GEN1: variants seen among roughly 807,000 people sequenced by gnomAD.
GEN1 encodes the protein flap endonuclease GEN homolog 1.
Under a neutral mutation model 67.6 loss-of-function variants are expected in GEN1, and 64 were observed. That is an observed-to-expected ratio of 0.95 (90% CI 0.77 to 1.17). GEN1 has a LOEUF of 1.17. GEN1 is among the 50% of genes most tolerant of loss of function. The pLI, the probability that GEN1 is intolerant of heterozygous loss-of-function variation, is 0.00. For synonymous variants in GEN1, 371 were observed against 359.4 expected, an observed-to-expected ratio of 1.03 and a Z score of -0.37; for missense variants, 1,058 against 1,048.3, an observed-to-expected ratio of 1.01 and a Z score of -0.13.
intron 8 of GEN1, 103 bp from the exon 9 acceptor site, chr2:17,772,993 T>C: frequency 3.5e-6 from 3 of 861,386 alleles, no homozygotes; most frequent in Non-Finnish European, 5.6e-6. Context: ...TGGGATACTG[T>C]AAATTCACAT....
chr2:17,753,614 C>A (rs1384410462), upstream of GEN1: 1 of 152,282 alleles, frequency 6.6e-6, no homozygotes, highest in Non-Finnish European at 1.5e-5. Flanking sequence ...ACAGCGCGCG[C>A]CTTCACCCTA....
At chr2:17,768,610 A>G (rs1031771621) in intron 5 of GEN1, 128 bp from the exon 6 acceptor site, 2 of 653,632 alleles carry the variant, frequency 3.1e-6, no homozygotes, top group Non-Finnish European at 5.3e-6. Context: ...TATCTTGCAT[A>G]TCTTTTCCTA....
chr2:17,767,192 G>T (rs1252441135), intron 5 of GEN1, among the ~76,000 whole-genome samples: 1 of 152,184 alleles, frequency 6.6e-6, no homozygotes, highest in East Asian at 1.9e-4. Flanking sequence ...TGTATCTTAA[G>T]ATGCACAATC....
rs941279877 is a variant in GEN1 at position 17,784,133 on chromosome 2, G to A, written c.*2194G>A. 7.2e-5 allele frequency: 11 copies of A among 151,936 alleles called. No individual in the cohort carries two copies. The highest frequency in any genetic ancestry group is 3.3e-4 in the Admixed American group (5 of 15,248). 9.4% of individuals were successfully genotyped at this position (151,936 alleles called of 1,614,324 possible). ...TATCTTGGTGGTATATAAAGAACTC[G>A]TAACTCAATTATAAAAAGACAACTT... On this transcript the variant is annotated 3_prime_UTR_variant, in exon 14 of 14. Transcript: ENST00000381254.
Position 17,781,131 on chromosome 2 carries a change from C to T in GEN1, c.1919C>T (p.Thr640Ile). Residue 640 changes from threonine to isoleucine, a missense_variant, in exon 14 of 14, where the codon ACT becomes ATT. By Grantham distance (89) the Thr-to-Ile change is moderately conservative. Coordinates refer to ENST00000381254, the MANE Select transcript of GEN1 (RefSeq NM_001130009.3). ...EQLSCESERYTANIKKVLDED... is the reference protein window; with the variant it reads ...EQLSCESERYIANIKKVLDED... ...CTGTCCTGTGAATCAGAAAGGTACA[C>T]TGCAAACATAAAGAAAGTGTTGGAT... 6.2e-7 allele frequency: 1 copy of T among 1,613,898 alleles called. No homozygotes were observed. The highest frequency in any genetic ancestry group is 8.5e-7 in the Non-Finnish European group (1 of 1,179,852).
intron 4 of GEN1, among the ~76,000 whole-genome samples, chr2:17,766,316 T>A (rs1671930455): frequency 6.6e-6 from 1 of 152,056 alleles, no homozygotes; most frequent in Non-Finnish European, 1.5e-5. Context: ...TACAGGCACA[T>A]GCCACCACGC....
intron 7 of GEN1, 64 bp from the exon 8 acceptor site, chr2:17,772,570 A>C (rs1228006867): frequency 6.9e-7 from 1 of 1,446,864 alleles, no homozygotes; most frequent in South Asian, 1.4e-5. Context: ...TGGCAAAAAG[A>C]ATGTATGTAG....
intron 1 of GEN1, chr2:17,754,596 C>T (rs1356940140): frequency 1.3e-5 from 2 of 152,240 alleles, no homozygotes; most frequent in African/African-American, 4.8e-5. Context: ...TGCGCTTGGC[C>T]GAAGCTGCTG....
At position 17,781,467 on chromosome 2, in the gene GEN1, C is replaced by CTT; in HGVS notation, c.2256_2257dup (p.Ser753PhefsTer12). On this transcript the variant is annotated frameshift_variant, in exon 14 of 14. Coordinates refer to ENST00000381254, the MANE Select transcript of GEN1 (RefSeq NM_001130009.3). LOFTEE classifies it low-confidence loss of function (END_TRUNC). ...CTTCAAGAAGACTATAAAGTCAATA[C>CTT]TTCTGTCCCTTATTCTGTCAGTAAC... 6.2e-7 allele frequency: 1 copy of CTT among 1,613,470 alleles called. No homozygotes were observed. The highest frequency in any genetic ancestry group is 8.5e-7 in the Non-Finnish European group (1 of 1,179,866).
chr2:17,755,419 A>G (rs756790276), intron 1 of GEN1: 7 of 152,254 alleles, frequency 4.6e-5, no homozygotes, highest in Non-Finnish European at 8.8e-5. Flanking sequence ...CAGCACCTAT[A>G]AAGCTTTCCT....
In GEN1 at chr2:17,784,152, A is replaced by T. The variant is rs918426617; in HGVS notation, c.*2213A>T. 1 of 152,250 alleles carries T rather than the reference A, an allele frequency of 6.6e-6. No homozygotes were observed. Among genetic ancestry groups the T allele is most frequent in the African/African-American group, 2.4e-5 (1 of 41,456 alleles). The allele number at this position is 152,250 out of a possible 1,614,324, so 9.4% of individuals were successfully genotyped here. A position where few individuals can be genotyped will look rare whatever the true frequency, so the allele number is the denominator to read the frequency against. On this transcript the variant is annotated 3_prime_UTR_variant, in exon 14 of 14. Transcript: ENST00000381254. ...GAACTCGTAACTCAATTATAAAAAG[A>T]CAACTTTGAAATGGGCAAAATAGCT...
intron 12 of GEN1, among the ~76,000 whole-genome samples, chr2:17,778,868 C>T (rs1672684446): frequency 6.6e-6 from 1 of 151,916 alleles, no homozygotes; most frequent in Non-Finnish European, 1.5e-5. Context: ...ACAGTGAACT[C>T]TGAATTAGCT....
At chr2:17,772,953 A>G in intron 8 of GEN1, 143 bp from the exon 9 acceptor site, 2 of 802,072 alleles carry the variant, frequency 2.5e-6, no homozygotes, top group South Asian at 3.8e-5. Flanking sequence ...ATAGTAATGT[A>G]ATAGTTATTC....
chr2:17,753,508 G>A (rs954009086), upstream of GEN1: 1 of 152,244 alleles, frequency 6.6e-6, no homozygotes, highest in Non-Finnish European at 1.5e-5. Flanking sequence ...CATGAACACC[G>A]CCGCAGCTCA....
chr2:17,760,083 G>A lies in GEN1; in HGVS notation c.140G>A (p.Ser47Asn), dbSNP rs531324948. 2 of 1,614,006 alleles carry A rather than the reference G, an allele frequency of 1.2e-6. No homozygotes were observed. Among genetic ancestry groups the A allele is most frequent in the African/African-American group, 1.3e-5 (1 of 75,020 alleles). ...CAGACAGTCAAAAAAATGATGGGCA[G>A]CGTCATGAAGCCCCACCTCAGGTAT... ...EAQTVKKMMG[S>N]VMKPHLRNLF... is the part of the protein sequence containing the mutation. The change falls in exon 2 of 14, where the codon AGC becomes AAC. Residue 47 changes from serine to asparagine, a missense_variant. By Grantham distance (46) the Ser-to-Asn change is conservative. Transcript: ENST00000381254.
intron 11 of GEN1, among the ~76,000 whole-genome samples, chr2:17,776,307 C>T (rs1672430290): frequency 6.6e-6 from 1 of 151,928 alleles, no homozygotes; most frequent in Non-Finnish European, 1.5e-5. Flanking sequence ...TGATTGAATT[C>T]TGAATTGTTT....
intron 6 of GEN1, 106 bp downstream of exon 6, chr2:17,768,917 T>C (rs1672055311): frequency 1.7e-6 from 1 of 580,186 alleles, no homozygotes; most frequent in South Asian, 3.1e-5. Flanking sequence ...GTTTTGTATT[T>C]TTAAACTGAC....
Position 17,781,698 on chromosome 2 carries a change from C to A in GEN1, c.2486C>A (p.Ser829Ter). The change falls in exon 14 of 14, where the codon TCA becomes TAA. Residue 829 changes from serine to a stop codon, truncating the protein, a stop_gained. Coordinates refer to ENST00000381254, the MANE Select transcript of GEN1 (RefSeq NM_001130009.3). LOFTEE classifies it low-confidence loss of function (END_TRUNC). ...AAGCACAGTTCTCAAAAGCATAATT[C>A]ATCCCATTTCAAAGAAAGTGGCCAT... ...RMKHSSQKHN[S>*]SHFKESGHNK... 1 of 1,613,738 alleles carries A rather than the reference C, an allele frequency of 6.2e-7. No homozygotes were observed. Among genetic ancestry groups the A allele is most frequent in the Non-Finnish European group, 8.5e-7 (1 of 1,179,788 alleles).
At chr2:17,779,924 G>A in intron 12 of GEN1, 54 bp from the exon 13 acceptor site, 1 of 1,476,162 alleles carries the variant, frequency 6.8e-7, no homozygotes. Flanking sequence ...CTGACCGATT[G>A]AATTTTTTTA....
Sources: gnomAD v4.1 joint callset for allele counts (sites outside exome capture counted in the v4.1 genomes callset) on GRCh38, gnomAD v4.1.1 for gene constraint, MANE v1.5 for transcripts, NCBI Gene and HGNC (gene_info 2026-07-23, HGNC 2026-07-21) for gene names.